Variants in MAN2A2 observed in about 807,000 individuals in gnomAD.
The protein encoded by MAN2A2 is alpha-mannosidase 2x.
MAN2A2 carries 79 observed loss-of-function variants against 126.8 expected under a neutral mutation model. The observed-to-expected ratio is 0.62, with a 90% CI of 0.52 to 0.75. The LOEUF (loss-of-function observed/expected upper bound fraction) is 0.75. Ranked by LOEUF, MAN2A2 falls within the 30% of genes least tolerant of loss-of-function variation. The pLI is 0.00. For synonymous variants in MAN2A2, 671 were observed against 618.7 expected, an observed-to-expected ratio of 1.08 and a Z score of -1.25; for missense variants, 1,392 against 1,522.4, an observed-to-expected ratio of 0.91 and a Z score of 1.43.
chr15:90,907,171 C>A, intron 7 of MAN2A2, 138 bp from the exon 8 acceptor site: 1 of 928,432 alleles, frequency 1.1e-6, no homozygotes, highest in Non-Finnish European at 1.6e-6. Flanking sequence ...TTCTCCCTGG[C>A]CTACACACTC....
In MAN2A2 at chr15:90,909,569, C is replaced by T. The variant is rs542530772; in HGVS notation, c.1374+65C>T. The T allele has an allele frequency of 1.6e-5, 24 of 1,484,766 alleles. 1 individual carries two copies. The highest frequency in any genetic ancestry group is 1.1e-4 in the South Asian group (8 of 75,536). The allele number at this position is 1,484,766 out of a possible 1,614,324, so 92.0% of individuals were successfully genotyped here. A position where few individuals can be genotyped will look rare whatever the true frequency, so the allele number is the denominator to read the frequency against. On this transcript the variant is annotated intron_variant, in intron 9 of 22. Coordinates refer to ENST00000559717, the MANE Select transcript of MAN2A2 (RefSeq NM_006122.4). ...TGCAGCCCATCCCTTCCCGTGAGAC[C>T]GTGCCCTGGGTTCCCAACTCGGGCA... is the stretch of plus-strand genomic sequence containing the variant.
intron 21 of MAN2A2, 50 bp from the exon 22 acceptor site, chr15:90,918,595 G>A (rs376746978): frequency 1.2e-5 from 16 of 1,364,236 alleles, no homozygotes; most frequent in East Asian, 1.2e-4. Context: ...CTGCATCTCC[G>A]ATCTCTGAAA....
In MAN2A2 at chr15:90,920,794, G is replaced by C. The variant is rs183435812; in HGVS notation, c.*1007G>C. On this transcript the variant is annotated 3_prime_UTR_variant, in exon 23 of 23. Coordinates refer to ENST00000559717, the MANE Select transcript of MAN2A2 (RefSeq NM_006122.4). Reference sequence around the variant, plus strand: ...GAGGTATTCAGTTCCTGGCACAGGGGACTAGGGGCATGTAGAGTATATGAG... The same window carrying C: ...GAGGTATTCAGTTCCTGGCACAGGGCACTAGGGGCATGTAGAGTATATGAG... 3.9e-4 allele frequency: 60 copies of C among 152,342 alleles called. No homozygotes were observed. Among genetic ancestry groups the C allele is most frequent in the African/African-American group, 1.4e-3 (58 of 41,566 alleles). 9.4% of individuals were successfully genotyped at this position (152,342 alleles called of 1,614,324 possible). A position where few individuals can be genotyped will look rare whatever the true frequency, so the allele number is the denominator to read the frequency against.
In MAN2A2 at chr15:90,906,875, C is replaced by T. The variant is rs778306055; in HGVS notation, c.971C>T (p.Ala324Val). The T allele has an allele frequency of 9.9e-6, 16 of 1,614,036 alleles. 1 individual carries two copies. The South Asian group carries it at 1.4e-4, about 14-fold the overall frequency. ...TATGCCATCAAGAAGCACTTTGCTG[C>T]CACCCACAGCCTAGAGTTCATGTGG... is the stretch of plus-strand genomic sequence containing the variant. Reference protein sequence around the residue: ...VHYAIKKHFAATHSLEFMWRQ... With the variant: ...VHYAIKKHFAVTHSLEFMWRQ... Residue 324 changes from alanine to valine, a missense_variant, in exon 7 of 23, where the codon GCC becomes GTC. Coordinates refer to ENST00000559717, the MANE Select transcript of MAN2A2 (RefSeq NM_006122.4).
At chr15:90,916,617 T>G (rs1023088032) in intron 20 of MAN2A2, 27 of 1,312,962 alleles carry the variant, frequency 2.1e-5, no homozygotes, top group Non-Finnish European at 2.6e-5. Flanking sequence ...GCAGCCATGT[T>G]TAGGGGCTTG....
At chr15:90,903,860 T>C (rs551934815) in intron 1 of MAN2A2, 19 of 383,962 alleles carry the variant, frequency 4.9e-5, no homozygotes, top group South Asian at 3.0e-4. Flanking sequence ...TAGAAGCACA[T>C]GGCCGAGGAG....
chr15:90,906,119 C>T, intron 5 of MAN2A2, 103 bp downstream of exon 5: 1 of 1,505,202 alleles, frequency 6.6e-7, no homozygotes, highest in Non-Finnish European at 9.1e-7. Flanking sequence ...AGGGAGAGGC[C>T]CAGAGAGCTG....
Position 90,921,243 on chromosome 15 carries a change from G to A in MAN2A2, c.*1456G>A, listed in dbSNP as rs2035530394. 6.6e-6 allele frequency: 1 copy of A among 152,232 alleles called. No homozygotes were observed. 9.4% of individuals were successfully genotyped at this position (152,232 alleles called of 1,614,324 possible). A position where few individuals can be genotyped will look rare whatever the true frequency, so the allele number is the denominator to read the frequency against. ...AGAGTATTCTGTAAGTCAACCCAATGATACACATCATGTTCCTGTCCACAT... is the reference window on the plus strand; with the variant it reads ...AGAGTATTCTGTAAGTCAACCCAATAATACACATCATGTTCCTGTCCACAT... On this transcript the variant is annotated 3_prime_UTR_variant, in exon 23 of 23. Transcript: ENST00000559717.
chr15:90,919,783 G>A lies in MAN2A2; in HGVS notation c.3449G>A (p.Gly1150Asp), dbSNP rs1185285821. ...MEIATFRLRL[G>D] ...ATTGCTACCTTTCGCCTCCGCTTGG[G>A]TTAGGGCTTCTTGTGGCCTGAAGAG... Residue 1150 changes from glycine to aspartate, a missense_variant, in exon 23 of 23, where the codon GGT becomes GAT. Coordinates refer to ENST00000559717, the MANE Select transcript of MAN2A2 (RefSeq NM_006122.4). 4 of 1,614,078 alleles carry A rather than the reference G, an allele frequency of 2.5e-6. No homozygotes were observed. The highest frequency in any genetic ancestry group is 8.5e-7 in the Non-Finnish European group (1 of 1,180,000).
At chr15:90,914,990 C>CT (rs1439305639) in intron 19 of MAN2A2, among the ~76,000 whole-genome samples, 1 of 152,188 alleles carries the variant, frequency 6.6e-6, no homozygotes, top group African/African-American at 2.4e-5. Context: ...GGGAAGAGCC[C>CT]TTGTGAAGGG....
intron 21 of MAN2A2, 65 bp from the exon 22 acceptor site, chr15:90,918,580 C>A: frequency 1.6e-6 from 2 of 1,282,924 alleles, no homozygotes; most frequent in Admixed American, 1.8e-5. Flanking sequence ...TGGGCAGAGG[C>A]GCTGCTGCAT....
rs1489940672 is a variant in MAN2A2, at chr15:90,907,402, G to T, written c.1103G>T (p.Cys368Phe). The T allele has an allele frequency of 6.2e-7, 1 of 1,614,028 alleles. No individual in the cohort carries two copies. The highest frequency in any genetic ancestry group is 8.5e-7 in the Non-Finnish European group (1 of 1,180,022). Residue 368 changes from cysteine (C) to phenylalanine (F), a missense_variant, in exon 8 of 23, where the codon TGC becomes TTC. Physicochemically the swap from Cys to Phe is radical, Grantham distance 205. Coordinates refer to ENST00000559717, the MANE Select transcript of MAN2A2 (RefSeq NM_006122.4). ...TGTGGCCCAGATCCCAAGATCTGCT[G>T]CCAATTTGATTTCAAACGCCTGCCT... ...HTCGPDPKIC[C>F]QFDFKRLPGG...
chr15:90,916,379 A>G, intron 20 of MAN2A2, 123 bp downstream of exon 20: 1 of 1,343,270 alleles, frequency 7.4e-7, no homozygotes, highest in Non-Finnish European at 1.0e-6. Context: ...AGTAGGGCTG[A>G]ATTCCTGGGG....
chr15:90,910,052 C>T (rs773807180), intron 9 of MAN2A2, 38 bp from the exon 10 acceptor site: 1 of 1,580,322 alleles, frequency 6.3e-7, no homozygotes, highest in Non-Finnish European at 8.6e-7. Context: ...GCAGGAGGCT[C>T]TAGAACTGAT....
rs775915081 is a variant in MAN2A2 at position 90,906,359 on chromosome 15, C to A, written c.708-11C>A. 6.2e-7 allele frequency: 1 copy of A among 1,614,062 alleles called. No individual in the cohort carries two copies. The highest frequency in any genetic ancestry group is 2.2e-5 in the East Asian group (1 of 44,886). ...TCCTGCTCCGTCCTGAGTGTGAGTCCTTAACTATAGGCTGGTGGGAAACGG... is the reference window on the plus strand; with the variant it reads ...TCCTGCTCCGTCCTGAGTGTGAGTCATTAACTATAGGCTGGTGGGAAACGG... On this transcript the variant is annotated splice_polypyrimidine_tract_variant and intron_variant, in intron 5 of 22. Transcript: ENST00000559717.
At position 90,912,901 on chromosome 15, in the gene MAN2A2, G is replaced by A. The variant is rs761132723; in HGVS notation, c.2494G>A (p.Val832Met). ...AKPYVPKEPPVLRVTEGPFFS... is the reference protein window; with the variant it reads ...AKPYVPKEPPMLRVTEGPFFS... ...GCCCTACGTCCCCAAGGAGCCCCCC[G>A]TGCTGCGTGTCACTGAAGGCCCTTT... Residue 832 changes from valine (V) to methionine (M), a missense_variant, in exon 17 of 23, where the codon GTG becomes ATG. Transcript: ENST00000559717. 2.5e-6 allele frequency: 4 copies of A among 1,614,054 alleles called. No homozygotes were observed. The highest frequency in any genetic ancestry group is 1.1e-5 in the South Asian group (1 of 91,088).
At position 90,913,314 on chromosome 15, in the gene MAN2A2, A is replaced by T. The variant is rs767183581; in HGVS notation, c.2626A>T (p.Ile876Phe). Residue 876 changes from isoleucine (I) to phenylalanine (F), a missense_variant, in exon 18 of 23, where the codon ATC (isoleucine) becomes TTC (phenylalanine). Ile to Phe is a conservative substitution (Grantham distance 21). Coordinates refer to ENST00000559717, the MANE Select transcript of MAN2A2 (RefSeq NM_006122.4). ...TCTGGACATATCATCCCTGGTGGACATCCGGGACTACGTCAACAAGGAGCT... is the reference window on the plus strand; with the variant it reads ...TCTGGACATATCATCCCTGGTGGACTTCCGGGACTACGTCAACAAGGAGCT... ...LSLDISSLVDIRDYVNKELAL... is the reference protein window; with the variant it reads ...LSLDISSLVDFRDYVNKELAL... 6.2e-7 allele frequency: 1 copy of T among 1,614,058 alleles called. No individual in the cohort carries two copies. The highest frequency in any genetic ancestry group is 8.5e-7 in the Non-Finnish European group (1 of 1,179,950).
intron 2 of MAN2A2, 110 bp downstream of exon 2, chr15:90,904,449 A>G (rs567756827): frequency 1.6e-6 from 2 of 1,218,696 alleles, no homozygotes; most frequent in East Asian, 5.2e-5. Flanking sequence ...GGGTAATGTC[A>G]GTACAGGACA....
chr15:90,916,113 G>T lies in MAN2A2; in HGVS notation c.2861-10G>T, dbSNP rs761629501. ...GGGGGCGGGCCAGCACTCACTGTTT[G>T]CTTCCCCAGGCCAGCTGGAGGTGAT... On this transcript the variant is annotated splice_polypyrimidine_tract_variant and intron_variant, in intron 19 of 22. Coordinates refer to ENST00000559717, the MANE Select transcript of MAN2A2 (RefSeq NM_006122.4). 1.1e-5 allele frequency: 17 copies of T among 1,613,782 alleles called. No individual in the cohort carries two copies.
Sources: gnomAD v4.1 joint callset for allele counts (sites outside exome capture counted in the v4.1 genomes callset) on GRCh38, gnomAD v4.1.1 for gene constraint, MANE v1.5 for transcripts, NCBI Gene and HGNC (gene_info 2026-07-23, HGNC 2026-07-21) for gene names.